Variants in PHF3 observed in about 807,000 individuals in gnomAD.
PHF3 encodes PHD finger protein 3.
Under a neutral mutation model 178.4 loss-of-function variants are expected in PHF3, and 41 were observed. The observed-to-expected ratio is 0.23, with a 90% CI of 0.18 to 0.30. PHF3 has a LOEUF of 0.30. PHF3 is among the 10% of genes least tolerant of loss of function. The pLI is 1.00. For missense variants in PHF3, 2,346 were observed against 2,398.1 expected, an observed-to-expected ratio of 0.98 and a Z score of 0.45; for synonymous variants, 842 against 800.5, an observed-to-expected ratio of 1.05 and a Z score of -0.88.
At chr6:63,636,196 C>T (rs1374137616) in intron 1 of PHF3, 46 bp downstream of exon 1, 3 of 367,912 alleles carry the variant, frequency 8.2e-6, no homozygotes, top group Non-Finnish European at 1.4e-5. Context: ...GCAATCCTCC[C>T]CTCCCCCATC....
At chr6:63,641,528 ATGTGTGTGTGTGTGTGTGTGTG>A (rs201250434) in intron 1 of PHF3, among the ~76,000 whole-genome samples, 2 of 140,568 alleles carry the variant, frequency 1.4e-5, no homozygotes, top group South Asian at 2.3e-4. Context: ...TTAGGTGTGT[ATGTGTGTGTGTGTGTGTGTGTG>A]TGTGTGTGTG....
intron 1 of PHF3, among the ~76,000 whole-genome samples, chr6:63,638,676 G>A (rs558199262): frequency 4.6e-5 from 7 of 152,078 alleles, no homozygotes; most frequent in Non-Finnish European, 7.4e-5. Flanking sequence ...TTTCTGACAA[G>A]TGGCTGCTGG....
rs775942686 is a variant in PHF3 at position 63,684,888 on chromosome 6, A to G, written c.1166A>G (p.Asn389Ser). 4 of 1,614,096 alleles carry G rather than the reference A, an allele frequency of 2.5e-6. No individual in the cohort carries two copies. The Admixed American group carries it at 5.0e-5, about 20-fold the overall frequency. ...DTMGIADKTENTLERNKIEPL... is the reference protein window; with the variant it reads ...DTMGIADKTESTLERNKIEPL... Reference sequence around the variant, plus strand: ...ATGGGTATTGCTGATAAAACTGAGAACACCCTTGAAAGAAATAAAATTGAA... The same window carrying G: ...ATGGGTATTGCTGATAAAACTGAGAGCACCCTTGAAAGAAATAAAATTGAA... The change falls in exon 4 of 16, where the codon AAC becomes AGC. Residue 389 changes from asparagine to serine, a missense_variant. By Grantham distance (46) the Asn-to-Ser change is conservative. Around this residue, in one of 8 missense-constraint regions of PHF3, gnomAD observed 843 missense variants for 795.2 expected, o/e 1.06. Transcript: ENST00000262043.
chr6:63,710,519 G>T (rs1392637492), intron 14 of PHF3, among the ~76,000 whole-genome samples: 1 of 152,124 alleles, frequency 6.6e-6, no homozygotes, highest in Non-Finnish European at 1.5e-5. Context: ...AAACATTGTT[G>T]TTGAACACTA....
chr6:63,663,138 G>A (rs894205610), intron 2 of PHF3, among the ~76,000 whole-genome samples: 1 of 151,962 alleles, frequency 6.6e-6, no homozygotes, highest in Admixed American at 6.6e-5. Context: ...ATTTTTTTCT[G>A]TCAGGAAGCA....
intron 1 of PHF3, among the ~76,000 whole-genome samples, chr6:63,643,226 G>A (rs1360303033): frequency 6.6e-6 from 1 of 151,910 alleles, no homozygotes; most frequent in Admixed American, 6.6e-5. Flanking sequence ...TCTACATTTG[G>A]CTAATTTGTT....
At position 63,720,557 on chromosome 6, in the gene PHF3, C is replaced by T. The variant is rs532148551; in HGVS notation, c.*6849C>T. On this transcript the variant is annotated 3_prime_UTR_variant, in exon 16 of 16. Coordinates refer to ENST00000262043, the MANE Select transcript of PHF3 (RefSeq NM_001370348.2). The stretch of plus-strand genomic sequence containing the variant: ...AAAGAAATAACTATCAAAATAACTG[C>T]ATTTATGTATAGTGTGTACTAAAAT... The T allele has an allele frequency of 7.3e-7, 1 of 1,370,856 alleles. No individual in the cohort carries two copies. Among genetic ancestry groups the T allele is most frequent in the South Asian group, 1.6e-5 (1 of 62,076 alleles). 84.9% of individuals were successfully genotyped at this position (1,370,856 alleles called of 1,614,324 possible).
chr6:63,649,171 T>C (rs931572511), intron 2 of PHF3, among the ~76,000 whole-genome samples: 1 of 152,008 alleles, frequency 6.6e-6, no homozygotes, highest in Admixed American at 6.6e-5. Context: ...TCTTAACTCC[T>C]GGCCTCAAGC....
chr6:63,674,224 A>C (rs1349352549), intron 2 of PHF3, among the ~76,000 whole-genome samples: 1 of 147,508 alleles, frequency 6.8e-6, no homozygotes, highest in Non-Finnish European at 1.5e-5. Flanking sequence ...AGCCCTTTGC[A>C]CTGTAAATAT....
In PHF3 at chr6:63,715,585, A is replaced by G. The variant is rs1768162288; in HGVS notation, c.*1877A>G. The G allele has an allele frequency of 6.6e-6, 1 of 152,102 alleles. No homozygotes were observed. The highest frequency in any genetic ancestry group is 1.5e-5 in the Non-Finnish European group (1 of 67,988). 9.4% of individuals were successfully genotyped at this position (152,102 alleles called of 1,614,324 possible). On this transcript the variant is annotated 3_prime_UTR_variant, in exon 16 of 16. Transcript: ENST00000262043. ...CAAGCTTTTAGGTCAGTTTTTGATC[A>G]CCTCTTCGCTAATAGTTTTTTCTAC... is the stretch of plus-strand genomic sequence containing the variant.
Position 63,725,416 on chromosome 6 carries a change from C to T in PHF3, c.*11708C>T, listed in dbSNP as rs959830290. On this transcript the variant is annotated 3_prime_UTR_variant, in exon 16 of 16. Transcript: ENST00000262043. Reference sequence around the variant, plus strand: ...TGAATATACCTTGATTTTCTGCCCTCTTACATAGGTCCCACTTAACATTAA... The same window carrying T: ...TGAATATACCTTGATTTTCTGCCCTTTTACATAGGTCCCACTTAACATTAA... 1.3e-5 allele frequency among the ~76,000 whole-genome samples: 2 copies of T among 152,114 alleles called. No homozygotes were observed. The highest frequency in any genetic ancestry group is 6.5e-5 in the Admixed American group (1 of 15,276).
intron 2 of PHF3, 145 bp downstream of exon 2, chr6:63,646,940 T>C (rs1030578415): frequency 1.7e-6 from 1 of 577,526 alleles, no homozygotes. Flanking sequence ...CCTTTGAATT[T>C]AGAGCTTCTT....
chr6:63,708,634 T>C (rs921980621), intron 13 of PHF3, among the ~76,000 whole-genome samples: 1 of 152,234 alleles, frequency 6.6e-6, no homozygotes, highest in Non-Finnish European at 1.5e-5. Context: ...CTTTCATGTG[T>C]AGTCATCTGT....
intron 2 of PHF3, among the ~76,000 whole-genome samples, chr6:63,678,468 T>C (rs1329994561): frequency 6.6e-6 from 1 of 152,176 alleles, no homozygotes; most frequent in Non-Finnish European, 1.5e-5. Context: ...ACTTTTATAA[T>C]ACATGCTTAT....
In PHF3 at chr6:63,711,591, G is replaced by A. The variant is rs1319041162; in HGVS notation, c.4003G>A (p.Glu1335Lys). 1 of 1,571,354 alleles carries A rather than the reference G, an allele frequency of 6.4e-7. No homozygotes were observed. Among genetic ancestry groups the A allele is most frequent in the Non-Finnish European group, 8.6e-7 (1 of 1,166,036 alleles). ...PLVPFDGPGL[E>K]LHRPNLLLGL... ...ATGTTTTTGGTTTTATACAGGGCTT[G>A]AACTGCATAGACCTAATCTATTGTT... Residue 1335 changes from glutamate (E) to lysine (K), a missense_variant, in exon 16 of 16, where the codon GAA becomes AAA. Physicochemically the swap from Glu to Lys is moderately conservative, Grantham distance 56 (BLOSUM62 1). Around this residue, in one of 8 missense-constraint regions of PHF3, gnomAD observed 90 missense variants for 136.6 expected, o/e 0.66. Coordinates refer to ENST00000262043, the MANE Select transcript of PHF3 (RefSeq NM_001370348.2).
At chr6:63,665,733 C>G (rs1765657438) in intron 2 of PHF3, among the ~76,000 whole-genome samples, 1 of 152,076 alleles carries the variant, frequency 6.6e-6, no homozygotes, top group Non-Finnish European at 1.5e-5. Flanking sequence ...AAGTGATCCA[C>G]CCATCTCAGC....
rs1768262175 is a variant in PHF3, at chr6:63,718,651, C to T, written c.*4943C>T. On this transcript the variant is annotated 3_prime_UTR_variant, in exon 16 of 16. Transcript: ENST00000262043. ...TATGAAGAAAATCTGGCTATATGTG[C>T]ATTTGTTTTTGGGAAAGGGAGGACT... 6.6e-6 allele frequency among the ~76,000 whole-genome samples: 1 copy of T among 151,796 alleles called. No individual in the cohort carries two copies. The highest frequency in any genetic ancestry group is 1.5e-5 in the Non-Finnish European group (1 of 67,918).
At chr6:63,688,045 G>C (rs370302811) in intron 4 of PHF3, among the ~76,000 whole-genome samples, 3 of 151,426 alleles carry the variant, frequency 2.0e-5, no homozygotes, top group Non-Finnish European at 2.9e-5. Context: ...TTAGCTGGGC[G>C]TGCTGGCGGG....
chr6:63,646,898 T>A (rs1337352770), intron 2 of PHF3, 103 bp downstream of exon 2: 13 of 764,182 alleles, frequency 1.7e-5, no homozygotes, highest in African/African-American at 1.1e-4. Context: ...TTTTTTTTTT[T>A]AATGAGGAGG....
Sources: allele counts gnomAD v4.1 joint callset (sites outside exome capture counted in the v4.1 genomes callset), GRCh38; gene constraint gnomAD v4.1.1; regional missense constraint gnomAD v4.1.1; transcripts MANE v1.5; gene names NCBI Gene and HGNC (gene_info 2026-07-23, HGNC 2026-07-21).